TTC28: variants seen among roughly 807,000 people sequenced by gnomAD.
The protein encoded by TTC28 is tetratricopeptide repeat protein 28.
TTC28 carries 61 observed loss-of-function variants against 198.0 expected under a neutral mutation model. That is an observed-to-expected ratio of 0.31 (90% CI 0.25 to 0.38). TTC28 has a LOEUF of 0.38. Among genes scored for constraint, TTC28 ranks in the 10% least tolerant of loss-of-function variants. TTC28 has a pLI of 1.00. For missense variants in TTC28, 2,678 were observed against 3,164.0 expected (o/e 0.85, Z 3.69); for synonymous variants, 1,171 against 1,297.8 (o/e 0.90, Z 2.10).
chr22:28,098,955 T>C lies in TTC28; in HGVS notation c.3507A>G (p.Thr1169=), dbSNP rs762220418. The C allele has an allele frequency of 6.4e-7, 1 of 1,551,806 alleles. No individual in the cohort carries two copies. The highest frequency in any genetic ancestry group is 1.2e-5 in the South Asian group (1 of 84,058). The change falls in exon 10 of 23, where the codon ACA becomes ACG. Residue 1169 remains threonine (T), a synonymous_variant. Coordinates refer to ENST00000397906, the MANE Select transcript of TTC28 (RefSeq NM_001145418.2). Reference sequence around the variant, plus strand: ...CCCGCTGCAAGGCCTGGTAGGATGATGTCTGCAGGTCAAAGAGGGAGAGTT... The same window carrying C: ...CCCGCTGCAAGGCCTGGTAGGATGACGTCTGCAGGTCAAAGAGGGAGAGTT... ...DYKLSLFDLQ[T]SSYQALQRVL...
chr22:28,073,560 G>A (rs1226518414), intron 12 of TTC28, among the ~76,000 whole-genome samples: 2 of 152,336 alleles, frequency 1.3e-5, no homozygotes, highest in East Asian at 1.9e-4. Flanking sequence ...AACAAGGAGC[G>A]TAAAGCCTGA....
chr22:28,536,316 T>G (rs1464063131), intron 2 of TTC28, among the ~76,000 whole-genome samples: 2 of 150,818 alleles, frequency 1.3e-5, no homozygotes, highest in Non-Finnish European at 3.0e-5. Flanking sequence ...ATCTATATGA[T>G]AAAATCTTTT....
At chr22:28,463,457 T>A (rs1023850158) in intron 2 of TTC28, among the ~76,000 whole-genome samples, 4 of 152,190 alleles carry the variant, frequency 2.6e-5, no homozygotes, top group Admixed American at 6.5e-5. Flanking sequence ...TAATGGCACA[T>A]GCACACATGT....
chr22:28,193,155 T>C (rs544930681), intron 5 of TTC28, among the ~76,000 whole-genome samples: 13 of 152,144 alleles, frequency 8.5e-5, no homozygotes, highest in South Asian at 8.3e-4. Context: ...AAAAGAATTT[T>C]CAACCCAGAA....
chr22:28,333,898 C>T lies in TTC28; in HGVS notation c.382-27255G>A, dbSNP rs142566095. On this transcript the variant is annotated intron_variant, in intron 2 of 22. Transcript: ENST00000397906. ...TAACTTTTAGGGTACATGTCCATAA[C>T]GTGCAGGTTTGTTACATATGTATAC... Among the ~76,000 whole-genome samples the T allele has an allele frequency of 4.2e-3, 635 of 151,904 alleles. 3 individuals carry two copies. The highest frequency in any genetic ancestry group is 0.014 in the African/African-American group (600 of 41,434).
At chr22:28,164,419 A>G (rs1294481518) in intron 5 of TTC28, among the ~76,000 whole-genome samples, 1 of 152,178 alleles carries the variant, frequency 6.6e-6, no homozygotes, top group African/African-American at 2.4e-5. Flanking sequence ...GACACCTCAC[A>G]TGGCAGGGTA....
At chr22:28,113,286 A>G (rs916038368) in intron 6 of TTC28, among the ~76,000 whole-genome samples, 8 of 152,154 alleles carry the variant, frequency 5.3e-5, no homozygotes, top group Non-Finnish European at 7.3e-5. Context: ...TATTAATAGT[A>G]CACAACCCAA....
intron 2 of TTC28, among the ~76,000 whole-genome samples, chr22:28,535,866 T>C (rs570386159): frequency 2.0e-5 from 3 of 152,034 alleles, no homozygotes; most frequent in South Asian, 4.2e-4. Flanking sequence ...CAGAAGCCTA[T>C]ACAGCCTGCA....
At chr22:28,449,735 T>C (rs1420238312) in intron 2 of TTC28, among the ~76,000 whole-genome samples, 1 of 152,068 alleles carries the variant, frequency 6.6e-6, no homozygotes, top group African/African-American at 2.4e-5. Context: ...ATGGAAAGAA[T>C]AGGAAAACAA....
At chr22:27,992,057 T>C (rs1937433393) in intron 19 of TTC28, among the ~76,000 whole-genome samples, 1 of 152,068 alleles carries the variant, frequency 6.6e-6, no homozygotes, top group Admixed American at 6.6e-5. Flanking sequence ...GCTGTAACAC[T>C]CGTCAATCAG....
At chr22:28,541,947 G>C (rs1407982250) in intron 2 of TTC28, among the ~76,000 whole-genome samples, 1 of 151,906 alleles carries the variant, frequency 6.6e-6, no homozygotes, top group Non-Finnish European at 1.5e-5. Flanking sequence ...AAATCAGCTG[G>C]GCACAGTGGT....
chr22:28,407,694 T>C (rs2047019797), intron 2 of TTC28, among the ~76,000 whole-genome samples: 1 of 152,192 alleles, frequency 6.6e-6, no homozygotes, highest in South Asian at 2.1e-4. Flanking sequence ...ACATTTAGTC[T>C]AGGTATTTTT....
chr22:28,514,560 C>A (rs1200972340), intron 2 of TTC28, among the ~76,000 whole-genome samples: 2 of 152,202 alleles, frequency 1.3e-5, no homozygotes, highest in African/African-American at 4.8e-5. Context: ...GAAGAGAAAA[C>A]CTTACACGGA....
intron 2 of TTC28, among the ~76,000 whole-genome samples, chr22:28,392,178 T>C (rs1191051192): frequency 1.3e-5 from 2 of 152,222 alleles, no homozygotes; most frequent in Non-Finnish European, 2.9e-5. Flanking sequence ...AGGGACCCAC[T>C]TGAGGAGGCA....
At chr22:28,393,570 T>C (rs184191388) in intron 2 of TTC28, among the ~76,000 whole-genome samples, 2 of 152,154 alleles carry the variant, frequency 1.3e-5, no homozygotes, top group East Asian at 3.9e-4. Context: ...GGTGCATGCC[T>C]TTAGCCCCAG....
intron 2 of TTC28, chr22:28,459,769 C>T (rs1392114425): frequency 6.6e-6 from 1 of 152,138 alleles, no homozygotes; most frequent in Non-Finnish European, 1.5e-5. Context: ...TGGCTCTTGC[C>T]TTCAAGAACA....
intron 5 of TTC28, among the ~76,000 whole-genome samples, chr22:28,207,705 A>G (rs1926544224): frequency 6.6e-6 from 1 of 152,158 alleles, no homozygotes; most frequent in African/African-American, 2.4e-5. Context: ...CAGAGACATG[A>G]TCCAGGGACA....
intron 5 of TTC28, among the ~76,000 whole-genome samples, chr22:28,167,464 T>G (rs135659): frequency 6.6e-6 from 1 of 152,296 alleles, no homozygotes; most frequent in East Asian, 1.9e-4. Flanking sequence ...ATCAAAAAGC[T>G]TATACACCAC....
intron 1 of TTC28, among the ~76,000 whole-genome samples, chr22:28,639,770 T>C (rs939749247): frequency 5.9e-5 from 9 of 152,152 alleles, no homozygotes; most frequent in Non-Finnish European, 1.0e-4. Context: ...CTTTTGTAAA[T>C]TGCCCAGTTT....
Sources: gnomAD v4.1 joint callset for allele counts (sites outside exome capture counted in the v4.1 genomes callset) on GRCh38, gnomAD v4.1.1 for gene constraint, MANE v1.5 for transcripts, NCBI Gene and HGNC (gene_info 2026-07-23, HGNC 2026-07-21) for gene names.